The following FAM135B variants were observed in gnomAD, a reference collection of about 807,000 sequenced individuals.
FAM135B encodes family with sequence similarity 135 member B.
FAM135B carries 43 observed loss-of-function variants against 127.7 expected under a neutral mutation model. The ratio of observed to expected loss-of-function variants is 0.34; its 90% CI spans 0.26 to 0.43. The LOEUF is 0.43. Ranked by LOEUF, FAM135B falls within the 20% of genes least tolerant of loss-of-function variation. The pLI is 1.00. For synonymous variants in FAM135B, 670 were observed against 665.1 expected (o/e 1.01, Z -0.11); for missense variants, 1,558 against 1,725.6 (o/e 0.90, Z 1.72).
At chr8:138,177,259 T>A (rs6985633) in intron 11 of FAM135B, 88 bp downstream of exon 11, 789,449 of 1,253,546 alleles carry the variant, frequency 0.63, 256,123 homozygotes, top group East Asian at 0.98. Flanking sequence ...TCTCCTTCAC[T>A]TCCAGTGAGA....
chr8:138,276,731 C>T (rs1563848028), intron 3 of FAM135B, among the ~76,000 whole-genome samples: 1 of 152,204 alleles, frequency 6.6e-6, no homozygotes, highest in African/African-American at 2.4e-5. Flanking sequence ...CATTAGGGCA[C>T]ACACCCACAC....
intron 12 of FAM135B, among the ~76,000 whole-genome samples, chr8:138,156,283 A>T (rs893494489): frequency 3.9e-5 from 6 of 152,250 alleles, no homozygotes; most frequent in African/African-American, 1.4e-4. Context: ...AATCTCTGGG[A>T]CACATTTAAG....
At chr8:138,353,366 T>A (rs1049953783) in intron 2 of FAM135B, among the ~76,000 whole-genome samples, 19 of 152,334 alleles carry the variant, frequency 1.2e-4, no homozygotes, top group African/African-American at 4.6e-4. Context: ...CCTGAGCTGA[T>A]ATCAGGATCC....
rs376834770 is a variant in FAM135B, at chr8:138,178,631, C to G, written c.933G>C (p.Thr311=). 1.2e-6 allele frequency: 2 copies of G among 1,613,996 alleles called. No homozygotes were observed. The highest frequency in any genetic ancestry group is 1.3e-5 in the African/African-American group (1 of 74,986). ...EQISKDLAWL[T]SHMMTLWTQF... is the part of the protein sequence containing the mutation. ...GGGTCCACAGAGTCATCATGTGGGA[C>G]GTGAGCCAGGCCAGATCCTTGCTTA... Residue 311 remains threonine, a synonymous_variant, in exon 10 of 20, where the codon ACG becomes ACC. Coordinates refer to ENST00000395297, the MANE Select transcript of FAM135B (RefSeq NM_015912.4).
At chr8:138,271,418 T>C (rs912965622) in intron 3 of FAM135B, among the ~76,000 whole-genome samples, 8 of 152,218 alleles carry the variant, frequency 5.3e-5, no homozygotes, top group Non-Finnish European at 1.2e-4. Flanking sequence ...TGTTTGTATG[T>C]TTTTGCTATA....
At chr8:138,253,396 A>T (rs1821849001) in intron 5 of FAM135B, among the ~76,000 whole-genome samples, 1 of 152,122 alleles carries the variant, frequency 6.6e-6, no homozygotes, top group Admixed American at 6.5e-5. Context: ...TTGGGGACTG[A>T]ATCATGCTTT....
intron 7 of FAM135B, among the ~76,000 whole-genome samples, chr8:138,217,356 T>C (rs756971417): frequency 6.6e-5 from 10 of 151,360 alleles, no homozygotes; most frequent in Non-Finnish European, 1.2e-4. Context: ...AACATTGTTC[T>C]CTGTAAGATG....
At chr8:138,462,242 T>G (rs2131620292) in intron 1 of FAM135B, among the ~76,000 whole-genome samples, 1 of 152,306 alleles carries the variant, frequency 6.6e-6, no homozygotes, top group African/African-American at 2.4e-5. Context: ...TTCTACTGAT[T>G]TCTACTTGTC....
At chr8:138,444,558 A>T (rs1335686176) in intron 1 of FAM135B, among the ~76,000 whole-genome samples, 3 of 152,252 alleles carry the variant, frequency 2.0e-5, no homozygotes, top group African/African-American at 7.2e-5. Context: ...ACTACTGGGT[A>T]CATAATGAAA....
chr8:138,181,446 C>T (rs1271103585), intron 9 of FAM135B, among the ~76,000 whole-genome samples: 1 of 152,058 alleles, frequency 6.6e-6, no homozygotes, highest in South Asian at 2.1e-4. Context: ...AAAATGCCCC[C>T]CACCTCACCT....
chr8:138,355,671 A>C (rs1413622307), intron 2 of FAM135B, among the ~76,000 whole-genome samples: 2 of 152,138 alleles, frequency 1.3e-5, no homozygotes, highest in Non-Finnish European at 2.9e-5. Flanking sequence ...CAAGGAAGAG[A>C]CCCTGGCAGG....
intron 7 of FAM135B, among the ~76,000 whole-genome samples, chr8:138,217,335 T>C (rs765412276): frequency 1.3e-4 from 20 of 152,108 alleles, no homozygotes; most frequent in Non-Finnish European, 2.4e-4. Flanking sequence ...GAAGAAGTAA[T>C]TTGGAATTCC....
At chr8:138,473,196 C>T (rs1276497328) in intron 1 of FAM135B, among the ~76,000 whole-genome samples, 2 of 152,084 alleles carry the variant, frequency 1.3e-5, no homozygotes, top group African/African-American at 4.8e-5. Flanking sequence ...AGTAGGAGAA[C>T]CTCAAAGTGA....
intron 1 of FAM135B, among the ~76,000 whole-genome samples, chr8:138,461,846 C>T (rs1393920268): frequency 2.0e-5 from 3 of 152,156 alleles, no homozygotes; most frequent in Non-Finnish European, 4.4e-5. Context: ...CTCAAAAATG[C>T]TGATCTTCTC....
chr8:138,233,752 T>C (rs1820067610), intron 7 of FAM135B, among the ~76,000 whole-genome samples: 1 of 152,048 alleles, frequency 6.6e-6, no homozygotes, highest in Admixed American at 6.6e-5. Flanking sequence ...AAGAAAAATA[T>C]TTGCAAACCA....
At chr8:138,223,771 G>C (rs939749424) in intron 7 of FAM135B, among the ~76,000 whole-genome samples, 1 of 152,180 alleles carries the variant, frequency 6.6e-6, no homozygotes, top group African/African-American at 2.4e-5. Context: ...CAAGAGCAAA[G>C]ACACGGAATC....
At chr8:138,205,751 G>C (rs1278719065) in intron 7 of FAM135B, among the ~76,000 whole-genome samples, 1 of 151,960 alleles carries the variant, frequency 6.6e-6, no homozygotes, top group African/African-American at 2.4e-5. Context: ...AATACCATTG[G>C]AGTCAAAGGT....
chr8:138,426,024 CATAT>C lies in FAM135B; in HGVS notation c.-19-58026_-19-58023del, dbSNP rs1388701119. ...ATATATATATATATACACACACATA[CATAT>C]ACACACACACACACACACACACATA... is the stretch of plus-strand genomic sequence containing the variant. On this transcript the variant is annotated intron_variant, in intron 1 of 19. Coordinates refer to ENST00000395297, the MANE Select transcript of FAM135B (RefSeq NM_015912.4). 1.6e-3 allele frequency among the ~76,000 whole-genome samples: 103 copies of C among 65,828 alleles called. 4 individuals are homozygous for C. Among genetic ancestry groups the C allele is most frequent in the Middle Eastern group, 7.0e-3 (1 of 142 alleles). The allele number at this position is 65,828 out of a possible 152,430, so 43.2% of individuals were successfully genotyped here.
intron 1 of FAM135B, among the ~76,000 whole-genome samples, chr8:138,454,318 T>C (rs556427790): frequency 1.2e-4 from 19 of 152,170 alleles, no homozygotes; most frequent in Non-Finnish European, 2.4e-4. Flanking sequence ...CATGTTTCAG[T>C]GACCCATTTT....
Sources: allele counts gnomAD v4.1 joint callset (sites outside exome capture counted in the v4.1 genomes callset), GRCh38; gene constraint gnomAD v4.1.1; transcripts MANE v1.5; gene names NCBI Gene and HGNC (gene_info 2026-07-23, HGNC 2026-07-21).